Variants in RPTOR observed in about 807,000 individuals in gnomAD.
The protein encoded by RPTOR is regulatory-associated protein of mTOR.
In RPTOR, 21 loss-of-function variants were observed where a neutral mutation model predicts 169.9. The ratio of observed to expected loss-of-function variants is 0.12; its 90% CI spans 0.09 to 0.18. The LOEUF is 0.18. RPTOR is among the 10% of genes least tolerant of loss of function. The probability of loss-of-function intolerance (pLI) is 1.00; values close to 1 mark genes in which losing one functional copy is unlikely to be tolerated. For missense variants in RPTOR, 1,133 were observed against 1,855.9 expected (o/e 0.61, Z 7.16); for synonymous variants, 732 against 753.2 (o/e 0.97, Z 0.46).
intron 17 of RPTOR, among the ~76,000 whole-genome samples, chr17:80,887,891 T>C (rs1434766260): frequency 3.9e-5 from 6 of 152,098 alleles, no homozygotes; most frequent in African/African-American, 1.4e-4. Flanking sequence ...CTTCAACCTG[T>C]CTTTGAAGTA....
chr17:80,743,311 G>A, intron 5 of RPTOR: 1 of 985,576 alleles, frequency 1.0e-6, no homozygotes, highest in Non-Finnish European at 1.2e-6. Flanking sequence ...CTGGCAGGGG[G>A]CAGGGCGCTC....
intron 3 of RPTOR, among the ~76,000 whole-genome samples, chr17:80,700,676 ATGGAGGTGG>A (rs2066085280): frequency 1.2e-4 from 4 of 32,344 alleles, no homozygotes; most frequent in Admixed American, 3.8e-4. Context: ...GATGGTGATG[ATGGAGGTGG>A]TGGTGATGGT....
In RPTOR at chr17:80,960,174, G is replaced by C. The variant is rs375708825; in HGVS notation, c.3574G>C (p.Val1192Leu). The C allele has an allele frequency of 8.7e-6, 14 of 1,613,510 alleles. No individual in the cohort carries two copies. The highest frequency in any genetic ancestry group is 4.0e-5 in the African/African-American group (3 of 75,020). ...TGGCCTCGGTGACGGCTCCATCCGC[G>C]TCTACGACAGAAGGATGGCACTCAG... is the stretch of plus-strand genomic sequence containing the variant. ...VAGLGDGSIRVYDRRMALSEC... is the reference protein window; with the variant it reads ...VAGLGDGSIRLYDRRMALSEC... Residue 1192 changes from valine (V) to leucine (L), a missense_variant, in exon 30 of 34, where the codon GTC becomes CTC. Transcript: ENST00000306801. This position sits in a 1 kb window ranked among gnomAD's most constrained non-coding sequence, Gnocchi z 4.8.
At chr17:80,804,641 T>C (rs1412466810) in intron 7 of RPTOR, 3 of 152,268 alleles carry the variant, frequency 2.0e-5, no homozygotes, top group African/African-American at 4.8e-5. Flanking sequence ...ATGAAGTGAC[T>C]GAGTCTCAGA....
intron 17 of RPTOR, among the ~76,000 whole-genome samples, chr17:80,889,237 C>T (rs1259945404): frequency 6.6e-6 from 1 of 152,210 alleles, no homozygotes; most frequent in Non-Finnish European, 1.5e-5. Flanking sequence ...AACAGAAGAG[C>T]AGAGTTGCCC....
intron 1 of RPTOR, among the ~76,000 whole-genome samples, chr17:80,558,314 A>G (rs540024889): frequency 1.3e-5 from 2 of 152,314 alleles, no homozygotes; most frequent in South Asian, 4.1e-4. Flanking sequence ...AAAACCCCTG[A>G]AACCCTTAAA....
chr17:80,554,617 G>T (rs1194412816), intron 1 of RPTOR, among the ~76,000 whole-genome samples: 1 of 152,012 alleles, frequency 6.6e-6, no homozygotes, highest in Admixed American at 6.6e-5. Context: ...GGTGACGGGC[G>T]CCTGTAGTCC....
chr17:80,958,203 C>CG (rs112549506), intron 29 of RPTOR, among the ~76,000 whole-genome samples: 7 of 134,282 alleles, frequency 5.2e-5, no homozygotes, highest in Non-Finnish European at 1.1e-4. Context: ...CCTCACCCCC[C>CG]CCCCCCACCA....
chr17:80,554,684 C>A (rs1327989629), intron 1 of RPTOR, among the ~76,000 whole-genome samples: 6 of 151,976 alleles, frequency 3.9e-5, no homozygotes, highest in Non-Finnish European at 8.8e-5. Flanking sequence ...GCAGAGCTTG[C>A]AGTGAGCTGA....
intron 17 of RPTOR, among the ~76,000 whole-genome samples, chr17:80,887,270 T>C (rs1293089647): frequency 9.9e-6 from 1 of 101,228 alleles, no homozygotes; most frequent in Non-Finnish European, 1.9e-5. Context: ...TGAGGGGGTG[T>C]GCTGACTCTG....
intron 7 of RPTOR, among the ~76,000 whole-genome samples, chr17:80,813,757 G>A (rs547515470): frequency 3.3e-5 from 5 of 152,290 alleles, no homozygotes; most frequent in South Asian, 2.1e-4. Flanking sequence ...TCTCTACACC[G>A]TCATTTTCAT....
In RPTOR at chr17:80,812,340, G is replaced by GT. The variant is rs957992795; in HGVS notation, c.891-9850dup. Reference sequence around the variant, plus strand: ...ATATACAGTTTTCCAGTAATTACCTGTTTTTTTTTTTAATTGAATGCTACA... The same window carrying GT: ...ATATACAGTTTTCCAGTAATTACCTGTTTTTTTTTTTTAATTGAATGCTACA... On this transcript the variant is annotated intron_variant, in intron 7 of 33. Coordinates refer to ENST00000306801, the MANE Select transcript of RPTOR (RefSeq NM_020761.3). Among the ~76,000 whole-genome samples, 1,410 of 146,468 alleles carry GT rather than the reference G, an allele frequency of 9.6e-3. 8 individuals are homozygous for GT. The highest frequency in any genetic ancestry group is 0.014 in the Non-Finnish European group (904 of 66,216).
chr17:80,900,507 A>G (rs1162198778), intron 20 of RPTOR, among the ~76,000 whole-genome samples: 2 of 152,054 alleles, frequency 1.3e-5, no homozygotes, highest in Admixed American at 6.6e-5. Context: ...GTAGAGACAA[A>G]GTTTCTCCAA....
chr17:80,745,583 AAT>A (rs2066564730), intron 5 of RPTOR, among the ~76,000 whole-genome samples: 2 of 152,200 alleles, frequency 1.3e-5, no homozygotes, highest in Non-Finnish European at 2.9e-5. Context: ...ATGCCACATT[AAT>A]ATCTTTGACT....
At chr17:80,640,334 A>G (rs74638336) in intron 2 of RPTOR, among the ~76,000 whole-genome samples, 1,636 of 152,314 alleles carry the variant, frequency 0.011, 42 homozygotes, top group African/African-American at 0.038. Flanking sequence ...AATAATATCT[A>G]TCGGGGAATT....
chr17:80,734,104 TC>T (rs1187889679), intron 5 of RPTOR, among the ~76,000 whole-genome samples: 2 of 152,278 alleles, frequency 1.3e-5, no homozygotes, highest in Non-Finnish European at 2.9e-5. Flanking sequence ...TAAATATTGC[TC>T]GCTCAGTGGC....
At chr17:80,771,337 G>A (rs188538237) in intron 6 of RPTOR, among the ~76,000 whole-genome samples, 1 of 152,282 alleles carries the variant, frequency 6.6e-6, no homozygotes, top group Non-Finnish European at 1.5e-5. Context: ...CCCTCTGCCA[G>A]CGCTTTCCTC....
intron 1 of RPTOR, among the ~76,000 whole-genome samples, chr17:80,613,863 G>A (rs981243331): frequency 2.0e-5 from 3 of 152,162 alleles, no homozygotes; most frequent in Admixed American, 6.5e-5. Flanking sequence ...GCTGGGCCGC[G>A]TGTTCTGGAT....
At position 80,894,894 on chromosome 17, in the gene RPTOR, G is replaced by A. The variant is rs139531299; in HGVS notation, c.2401+1029G>A. ...CCTGGCCATGAGCCCTGGCACACAC[G>A]TGGTGCCCACTTAGAGGCCTTTACC... On this transcript the variant is annotated intron_variant, in intron 20 of 33. Coordinates refer to ENST00000306801, the MANE Select transcript of RPTOR (RefSeq NM_020761.3). 6.1e-3 allele frequency among the ~76,000 whole-genome samples: 928 copies of A among 152,342 alleles called. 8 individuals carry two copies. Among genetic ancestry groups the A allele is most frequent in the African/African-American group, 0.02 (829 of 41,562 alleles).
Sources: allele counts gnomAD v4.1 joint callset (sites outside exome capture counted in the v4.1 genomes callset), GRCh38; gene constraint gnomAD v4.1.1; non-coding constraint Gnocchi (gnomAD v3.1); transcripts MANE v1.5; gene names NCBI Gene and HGNC (gene_info 2026-07-23, HGNC 2026-07-21).